MUC4: variants seen among roughly 807,000 people sequenced by gnomAD.
MUC4 encodes mucin-4.
In MUC4, 202 loss-of-function variants were observed where a neutral mutation model predicts 257.9. The observed-to-expected ratio is 0.78, with a 90% CI of 0.70 to 0.88. The LOEUF (loss-of-function observed/expected upper bound fraction) is 0.88, where lower values mean the gene tolerates loss of function less well. Among genes scored for constraint, MUC4 ranks in the 40% least tolerant of loss-of-function variants. MUC4 has a pLI of 0.00. For synonymous variants in MUC4, 2,351 were observed against 2,757.1 expected, an observed-to-expected ratio of 0.85 and a Z score of 4.62; for missense variants, 5,976 against 6,513.7, an observed-to-expected ratio of 0.92 and a Z score of 2.84.
chr3:195,752,846 G>C (rs1716747533), intron 20 of MUC4, among the ~76,000 whole-genome samples: 1 of 152,162 alleles, frequency 6.6e-6, no homozygotes. Flanking sequence ...TCCTCCATAG[G>C]CCACACAGGC....
chr3:195,766,836 C>T (rs1323450095), intron 7 of MUC4, 85 bp from the exon 8 acceptor site: 11 of 1,237,210 alleles, frequency 8.9e-6, no homozygotes, highest in African/African-American at 3.0e-5. Context: ...TCCCGCTAGC[C>T]GGTCAGCAGC....
At chr3:195,771,580 C>A (rs1328938932) in intron 5 of MUC4, 72 bp downstream of exon 5, 11 of 1,538,962 alleles carry the variant, frequency 7.1e-6, no homozygotes, top group Non-Finnish European at 8.8e-6. Flanking sequence ...TCTGGCAAAG[C>A]CTTCCACACA....
chr3:195,748,925 G>T lies in MUC4; in HGVS notation c.16011C>A (p.His5337Gln). 1 of 1,593,918 alleles carries T rather than the reference G, an allele frequency of 6.3e-7. No individual in the cohort carries two copies. Among genetic ancestry groups the T allele is most frequent in the East Asian group, 2.3e-5 (1 of 43,982 alleles). The change falls in exon 24 of 25, where the codon CAC (histidine) becomes CAA (glutamine). Residue 5337 changes from histidine (H) to glutamine (Q), a missense_variant. His to Gln is a conservative substitution (Grantham distance 24). Transcript: ENST00000463781. The stretch of plus-strand genomic sequence containing the variant: ...ACCTGCAGCGGGGCCCACTGGGCAG[G>T]TGCTGGCACTGGCCTCCATGGTCAC... Reference protein sequence around the residue: ...GYCDHGGQCQHLPSGPRCSCV... With the variant: ...GYCDHGGQCQQLPSGPRCSCV...
At chr3:195,770,428 G>A in intron 5 of MUC4, 57 bp from the exon 6 acceptor site, 1 of 1,599,744 alleles carries the variant, frequency 6.3e-7, no homozygotes, top group Admixed American at 1.7e-5. Context: ...CTACACATGG[G>A]CCCCCCACTT....
At chr3:195,775,589 C>G (rs866961724) in intron 3 of MUC4, among the ~76,000 whole-genome samples, 88 of 63,844 alleles carry the variant, frequency 1.4e-3, no homozygotes, top group African/African-American at 5.0e-3. Context: ...ACCTTCCACA[C>G]CCATACCTTC....
Position 195,753,234 on chromosome 3 carries a change from C to T in MUC4, c.15329-4G>A. 1 of 1,613,550 alleles carries T rather than the reference C, an allele frequency of 6.2e-7. No homozygotes were observed. Among genetic ancestry groups the T allele is most frequent in the Non-Finnish European group, 8.5e-7 (1 of 1,179,720 alleles). ...CACAGGAAAGAGCTCCCCAGAGCTG[C>T]AGAGTGAGTAGGGAGGTCAGCAGCA... On this transcript the variant is annotated splice_polypyrimidine_tract_variant and splice_region_variant and intron_variant, in intron 19 of 24. Transcript: ENST00000463781.
chr3:195,760,882 A>T lies in MUC4; in HGVS notation c.14848+2T>A. On this transcript the variant is annotated splice_donor_variant, in intron 16 of 24. Transcript: ENST00000463781. LOFTEE classifies it high-confidence loss of function. ...GGCCTCCCCAGGCCTCGGGCCACTT[A>T]CTGAGGGTGGCGTTCGCCTGCTCGT... The T allele has an allele frequency of 6.2e-7, 1 of 1,613,764 alleles. No individual in the cohort carries two copies. Among genetic ancestry groups the T allele is most frequent in the Non-Finnish European group, 8.5e-7 (1 of 1,179,890 alleles).
chr3:195,778,239 C>A, intron 3 of MUC4, 64 bp downstream of exon 3: 1 of 1,514,250 alleles, frequency 6.6e-7, no homozygotes, highest in Non-Finnish European at 8.9e-7. Context: ...GGGAAGTAGG[C>A]TGAGAGGGAG....
chr3:195,754,468 G>A (rs2148767392), intron 18 of MUC4, 96 bp from the exon 19 acceptor site: 1 of 1,438,624 alleles, frequency 7.0e-7, no homozygotes, highest in Non-Finnish European at 9.3e-7. Flanking sequence ...AGAACCCGTG[G>A]ACCCTGAGTC....
chr3:195,781,361 T>A lies in MUC4; in HGVS notation c.10219A>T (p.Met3407Leu). The A allele has an allele frequency of 6.7e-7, 1 of 1,485,136 alleles. No homozygotes were observed. The highest frequency in any genetic ancestry group is 1.5e-5 in the African/African-American group (1 of 68,158). 92.0% of individuals were successfully genotyped at this position (1,485,136 alleles called of 1,614,324 possible). A position where few individuals can be genotyped will look rare whatever the true frequency, so the allele number is the denominator to read the frequency against. The part of the protein sequence containing the change: ...NTSSVSTGDT[M>L]PLPVTSPSSA... Reference sequence around the variant, plus strand: ...GAAGGGCTAGTGACAGGAAGAGGCATGGTGTCACCTGTGGATACTGAGGAA... The same window carrying A: ...GAAGGGCTAGTGACAGGAAGAGGCAAGGTGTCACCTGTGGATACTGAGGAA... Residue 3407 changes from methionine to leucine, a missense_variant, in exon 2 of 25, where the codon ATG becomes TTG. By Grantham distance (15) the Met-to-Leu change is conservative. Around this residue, in one of 44 missense-constraint regions of MUC4, gnomAD observed 297 missense variants for 240.9 expected, o/e 1.23. Transcript: ENST00000463781.
At chr3:195,807,312 T>G (rs1445177049) in intron 1 of MUC4, among the ~76,000 whole-genome samples, 1 of 152,042 alleles carries the variant, frequency 6.6e-6, no homozygotes, top group Non-Finnish European at 1.5e-5. Context: ...CTACTAAAAA[T>G]ACAAACATTA....
intron 1 of MUC4, among the ~76,000 whole-genome samples, chr3:195,796,393 A>AT: frequency 6.6e-6 from 1 of 152,050 alleles, no homozygotes; most frequent in African/African-American, 2.4e-5. Flanking sequence ...ACTATAAACT[A>AT]TTTTAAATTG....
Position 195,771,632 on chromosome 3 carries a change from C to A in MUC4, c.13242+20G>T, listed in dbSNP as rs1722911807. The A allele has an allele frequency of 2.5e-6, 4 of 1,606,898 alleles. No individual in the cohort carries two copies. Among genetic ancestry groups the A allele is most frequent in the South Asian group, 2.2e-5 (2 of 90,768 alleles). On this transcript the variant is annotated intron_variant, in intron 5 of 24. Coordinates refer to ENST00000463781, the MANE Select transcript of MUC4 (RefSeq NM_018406.7). Reference sequence around the variant, plus strand: ...GCCAGCTGCTGGGGGATCCTGACTGCCAGGCTTTGAAAGGCTCACCTGATA... The same window carrying A: ...GCCAGCTGCTGGGGGATCCTGACTGACAGGCTTTGAAAGGCTCACCTGATA...
chr3:195,810,571 G>A lies in MUC4; in HGVS notation c.82+1165C>T, dbSNP rs539018593. 2.0e-5 allele frequency among the ~76,000 whole-genome samples: 3 copies of A among 151,984 alleles called. No homozygotes were observed. Among genetic ancestry groups the A allele is most frequent in the Non-Finnish European group, 4.4e-5 (3 of 67,992 alleles). On this transcript the variant is annotated intron_variant, in intron 1 of 24. Transcript: ENST00000463781. The surrounding 1 kb of genome is among the most constrained non-coding windows in gnomAD (Gnocchi z 4.2). ...AGCCCAAGGCCAATGCCGGGGCTAC[G>A]AGCCCCAGGCAAGGCCGTGACCCAA...
chr3:195,760,975 G>T lies in MUC4; in HGVS notation c.14757C>A (p.Cys4919Ter), dbSNP rs1182303083. The T allele has an allele frequency of 3.7e-6, 6 of 1,614,158 alleles. No homozygotes were observed. The highest frequency in any genetic ancestry group is 4.2e-6 in the Non-Finnish European group (5 of 1,180,010). The change falls in exon 16 of 25, where the codon TGC (cysteine) becomes TGA (stop). Residue 4919 changes from cysteine (C) to a stop codon, truncating the protein, a stop_gained. Transcript: ENST00000463781. LOFTEE classifies it high-confidence loss of function. ...LISNCDGDSSCIYDTLALRNA... is the reference protein window; with the variant it reads ...LISNCDGDSS ...TGCGCAGGGCCAGGGTGTCATAGATGCATGAGCTATCTCCGTCACAGTTGG... is the reference window on the plus strand; with the variant it reads ...TGCGCAGGGCCAGGGTGTCATAGATTCATGAGCTATCTCCGTCACAGTTGG...
intron 1 of MUC4, 28 bp downstream of exon 1, chr3:195,811,708 A>T (rs768226562): frequency 6.2e-7 from 1 of 1,609,314 alleles, no homozygotes; most frequent in African/African-American, 1.3e-5. Flanking sequence ...CCCCGCAGCC[A>T]GCCTCATCTG....
chr3:195,785,616 G>T lies in MUC4; in HGVS notation c.5964C>A (p.Thr1988=). ...GACCTGTGGACACTGAGGAAGCGTC[G>T]GTGACAGGAAGAGGGGTGGCGTGAC... ...STGHATPLPV[T]DASSVSTGHA... Residue 1988 remains threonine (T), a synonymous_variant, in exon 2 of 25, where the codon ACC becomes ACA. Transcript: ENST00000463781. The T allele has an allele frequency of 3.9e-6, 6 of 1,536,406 alleles. No homozygotes were observed. The highest frequency in any genetic ancestry group is 5.3e-6 in the Non-Finnish European group (6 of 1,139,424).
In MUC4 at chr3:195,779,540, C is replaced by T. The variant is rs749904571; in HGVS notation, c.12040G>A (p.Ala4014Thr). ...TSTSSVSTGH[A>T]TPLPVTSPSS... ...GGGCTGGTGACAGGAAGAGGGGTGGCGTGACCTGTAGATACTGAGGAAGTG... is the reference window on the plus strand; with the variant it reads ...GGGCTGGTGACAGGAAGAGGGGTGGTGTGACCTGTAGATACTGAGGAAGTG... Residue 4014 changes from alanine to threonine, a missense_variant, in exon 2 of 25, where the codon GCC becomes ACC. Transcript: ENST00000463781. 857 of 895,724 alleles carry T rather than the reference C, an allele frequency of 9.6e-4. 111 individuals carry two copies. The highest frequency in any genetic ancestry group is 8.5e-3 in the East Asian group (98 of 11,498). 55.5% of individuals were successfully genotyped at this position (895,724 alleles called of 1,614,324 possible).
intron 14 of MUC4, 108 bp from the exon 15 acceptor site, chr3:195,761,693 T>C: frequency 1.2e-6 from 1 of 833,080 alleles, no homozygotes; most frequent in South Asian, 1.6e-5. Flanking sequence ...CAGCCTCTGC[T>C]CTTGCACCTG....
Sources: gnomAD v4.1 joint callset for allele counts (sites outside exome capture counted in the v4.1 genomes callset) on GRCh38, gnomAD v4.1.1 for gene constraint, gnomAD v4.1.1 regional missense constraint, Gnocchi (gnomAD v3.1) non-coding constraint, MANE v1.5 for transcripts, NCBI Gene and HGNC (gene_info 2026-07-23, HGNC 2026-07-21) for gene names.